The following TLCD4 variants were observed in gnomAD, a reference collection of about 807,000 sequenced individuals.
TLCD4 encodes the protein TLC domain-containing protein 4.
A neutral mutation model predicts 24.2 loss-of-function variants in TLCD4; 7 were observed. The observed-to-expected ratio is 0.29, with a 90% CI of 0.16 to 0.54. The LOEUF is 0.54. Among genes scored for constraint, TLCD4 ranks in the 20% least tolerant of loss-of-function variants. The probability of loss-of-function intolerance (pLI) is 0.95; values close to 1 mark genes in which losing one functional copy is unlikely to be tolerated. For synonymous variants in TLCD4, 103 were observed against 106.4 expected, an observed-to-expected ratio of 0.97 and a Z score of 0.20; for missense variants, 259 against 313.9, an observed-to-expected ratio of 0.82 and a Z score of 1.32.
intron 5 of TLCD4, among the ~76,000 whole-genome samples, chr1:95,166,592 A>G (rs978477870): frequency 6.6e-6 from 1 of 152,128 alleles, no homozygotes; most frequent in African/African-American, 2.4e-5. Context: ...CTAATCATCC[A>G]TTCCTCCCCA....
the TLCD4 span, among the ~76,000 whole-genome samples, chr1:95,104,249 TTAGA>T: frequency 6.6e-6 from 1 of 152,142 alleles, no homozygotes; most frequent in Admixed American, 6.5e-5. Context: ...ATGGGAACAC[TTAGA>T]TAGCACCCAC....
rs1326896511 is a variant in TLCD4 at position 95,191,730 on chromosome 1, C to T, written c.654C>T (p.Ser218=). The change falls in exon 7 of 7, where the codon TCC becomes TCT. Residue 218 remains serine (S), a synonymous_variant. Transcript: ENST00000370203. ...YIRLGVLIQL[S]WVISCVVLDV... ...GGCTTGGAGTTTTAATCCAGTTATCCTGGGTCATTAGTTGTGTTGTTTTGG... is the reference window on the plus strand; with the variant it reads ...GGCTTGGAGTTTTAATCCAGTTATCTTGGGTCATTAGTTGTGTTGTTTTGG... 6.2e-7 allele frequency: 1 copy of T among 1,614,088 alleles called. No homozygotes were observed. Among genetic ancestry groups the T allele is most frequent in the Non-Finnish European group, 8.5e-7 (1 of 1,180,016 alleles).
At chr1:95,175,411 A>G (rs1271468641) in intron 6 of TLCD4, among the ~76,000 whole-genome samples, 1 of 152,202 alleles carries the variant, frequency 6.6e-6, no homozygotes, top group East Asian at 1.9e-4. Context: ...TGTATGTGTA[A>G]CACATTTTCC....
At chr1:95,167,078 T>G (rs756452990) in intron 5 of TLCD4, among the ~76,000 whole-genome samples, 4 of 152,060 alleles carry the variant, frequency 2.6e-5, no homozygotes, top group Non-Finnish European at 5.9e-5. Context: ...TGCCGCATAC[T>G]GATGGCCATC....
intron 2 of TLCD4, among the ~76,000 whole-genome samples, chr1:95,145,705 A>T (rs1339976276): frequency 6.6e-6 from 1 of 152,168 alleles, no homozygotes; most frequent in Non-Finnish European, 1.5e-5. Context: ...GGATAGGTAA[A>T]GGCATTTGAA....
intron 5 of TLCD4, among the ~76,000 whole-genome samples, chr1:95,161,970 A>G (rs1571756059): frequency 6.6e-6 from 1 of 152,278 alleles, no homozygotes; most frequent in Middle Eastern, 3.4e-3. Flanking sequence ...AGAAGAATGT[A>G]TATTCTGTTG....
chr1:95,132,262 C>G (rs1676917421), intron 1 of TLCD4, among the ~76,000 whole-genome samples: 1 of 151,782 alleles, frequency 6.6e-6, no homozygotes, highest in African/African-American at 2.4e-5. Context: ...CGAGACCAGC[C>G]CGACCAACAT....
In TLCD4 at chr1:95,179,445, A is replaced by T. The variant is rs141932456; in HGVS notation, c.473+5556A>T. 1.3e-3 allele frequency among the ~76,000 whole-genome samples: 197 copies of T among 152,298 alleles called. 1 individual carries two copies. Among genetic ancestry groups the T allele is most frequent in the Middle Eastern group, 6.8e-3 (2 of 294 alleles). ...CTGCCATGATTGCTTTAACTCTACC[A>T]TGGCAGAATTGCATAGTTCTGACAG... On this transcript the variant is annotated intron_variant, in intron 6 of 6. Coordinates refer to ENST00000370203, the MANE Select transcript of TLCD4 (RefSeq NM_152487.3).
the TLCD4 span, among the ~76,000 whole-genome samples, chr1:95,099,053 C>CAAAAAAAATAAAAAAAA: frequency 1.4e-5 from 1 of 70,656 alleles, no homozygotes; most frequent in Non-Finnish European, 2.6e-5. Context: ...AACTCTGTCT[C>CAAAAAAAATAAAAAAAA]AAAAAAAAAA....
In TLCD4 at chr1:95,192,019, G is replaced by A. The variant is rs1486504861; in HGVS notation, c.*151G>A. On this transcript the variant is annotated 3_prime_UTR_variant, in exon 7 of 7. Coordinates refer to ENST00000370203, the MANE Select transcript of TLCD4 (RefSeq NM_152487.3). ...TTTAAACCTTAGAAAAGAGAAGGCCGGGCACGGTGGCTCATGCCTGTAATC... is the reference window on the plus strand; with the variant it reads ...TTTAAACCTTAGAAAAGAGAAGGCCAGGCACGGTGGCTCATGCCTGTAATC... The A allele has an allele frequency of 5.2e-5, 75 of 1,432,374 alleles. No individual in the cohort carries two copies. The East Asian group carries it at 1.3e-3, about 26-fold the overall frequency. The allele number at this position is 1,432,374 out of a possible 1,614,324, so 88.7% of individuals were successfully genotyped here.
the TLCD4 span, among the ~76,000 whole-genome samples, chr1:95,095,934 A>G: frequency 3.3e-5 from 5 of 152,248 alleles, no homozygotes. Flanking sequence ...TGCAAACAAG[A>G]TATGAGGTAA....
At chr1:95,151,185 C>T in intron 4 of TLCD4, 140 bp from the exon 5 acceptor site, 3 of 809,958 alleles carry the variant, frequency 3.7e-6, no homozygotes. Flanking sequence ...AGTAGATAAT[C>T]AGACTAACTG....
At chr1:95,117,187 G>T (rs753123948), upstream of TLCD4, among the ~76,000 whole-genome samples, 8 of 152,182 alleles carry the variant, frequency 5.3e-5, no homozygotes, top group Non-Finnish European at 1.0e-4. Context: ...GAGCTTCCAG[G>T]ATCTCTCCGC....
At chr1:95,102,789 G>T in the TLCD4 span, among the ~76,000 whole-genome samples, 4 of 152,084 alleles carry the variant, frequency 2.6e-5, no homozygotes, top group Admixed American at 6.6e-5. Flanking sequence ...AAGCAGAAAA[G>T]ACCGTTATGT....
At chr1:95,096,042 G>A in the TLCD4 span, among the ~76,000 whole-genome samples, 7 of 152,188 alleles carry the variant, frequency 4.6e-5, no homozygotes, top group South Asian at 2.1e-4. Flanking sequence ...AGAAAGTATC[G>A]GAGTTGTGTT....
At chr1:95,113,758 C>T (rs1676381526), upstream of TLCD4, among the ~76,000 whole-genome samples, 1 of 151,854 alleles carries the variant, frequency 6.6e-6, no homozygotes, top group Non-Finnish European at 1.5e-5. Context: ...AAAAGATGGC[C>T]AGAATCTCAT....
At chr1:95,166,448 G>T (rs1235033714) in intron 5 of TLCD4, among the ~76,000 whole-genome samples, 3 of 152,144 alleles carry the variant, frequency 2.0e-5, no homozygotes, top group African/African-American at 7.2e-5. Context: ...TTTCATCCTG[G>T]ATGCTTTTCT....
In TLCD4 at chr1:95,148,811, A is replaced by C; in HGVS notation, c.245+20A>C. On this transcript the variant is annotated intron_variant, in intron 3 of 6. Transcript: ENST00000370203. Reference sequence around the variant, plus strand: ...ACTTTGGTAAGCTGTTTCTTTTTCTAAGATTGCCAATTTCATTTATGTTTT... The same window carrying C: ...ACTTTGGTAAGCTGTTTCTTTTTCTCAGATTGCCAATTTCATTTATGTTTT... 1 of 1,604,600 alleles carries C rather than the reference A, an allele frequency of 6.2e-7. No individual in the cohort carries two copies. Among genetic ancestry groups the C allele is most frequent in the Non-Finnish European group, 8.5e-7 (1 of 1,177,574 alleles).
At chr1:95,102,982 A>AC in the TLCD4 span, among the ~76,000 whole-genome samples, 1 of 135,720 alleles carries the variant, frequency 7.4e-6, no homozygotes. Context: ...TTTTAAAAAA[A>AC]AAATTTTTTT....
Sources: gnomAD v4.1 joint callset for allele counts (sites outside exome capture counted in the v4.1 genomes callset) on GRCh38, gnomAD v4.1.1 for gene constraint, MANE v1.5 for transcripts, NCBI Gene and HGNC (gene_info 2026-07-23, HGNC 2026-07-21) for gene names.